The following RALA variants were observed in gnomAD, a reference collection of about 807,000 sequenced individuals.
RALA encodes RAS like proto-oncogene A.
In RALA, 5 loss-of-function variants were observed where a neutral mutation model predicts 24.0. The ratio of observed to expected loss-of-function variants is 0.21; its 90% CI spans 0.11 to 0.44. The LOEUF (loss-of-function observed/expected upper bound fraction) is 0.44. RALA is among the 20% of genes least tolerant of loss of function. The pLI, the probability that RALA is intolerant of heterozygous loss-of-function variation, is 0.99. For synonymous variants in RALA, 77 were observed against 83.8 expected (o/e 0.92, Z 0.44); for missense variants, 95 against 241.2 (o/e 0.39, Z 4.01).
At chr7:39,650,199 C>T (rs1032419317) in intron 1 of RALA, among the ~76,000 whole-genome samples, 2 of 152,134 alleles carry the variant, frequency 1.3e-5, no homozygotes, top group South Asian at 2.1e-4. Context: ...GTGGAAGCAT[C>T]GGGCTTACTA....
At chr7:39,674,342 T>G (rs1241056240) in intron 1 of RALA, among the ~76,000 whole-genome samples, 1 of 152,190 alleles carries the variant, frequency 6.6e-6, no homozygotes, top group Admixed American at 6.5e-5. Context: ...TTCTAGAACC[T>G]GTAGAGATAC....
At chr7:39,648,624 G>C (rs1259760347) in intron 1 of RALA, among the ~76,000 whole-genome samples, 1 of 152,136 alleles carries the variant, frequency 6.6e-6, no homozygotes, top group East Asian at 1.9e-4. Flanking sequence ...AGAAGGAATG[G>C]CAAAGTAATT....
intron 1 of RALA, among the ~76,000 whole-genome samples, chr7:39,640,804 T>C (rs1413137297): frequency 2.0e-5 from 3 of 152,196 alleles, no homozygotes; most frequent in Admixed American, 6.5e-5. Flanking sequence ...CTTTGGACCA[T>C]GTGAAGCAAA....
At chr7:39,643,140 A>G (rs1416881214) in intron 1 of RALA, among the ~76,000 whole-genome samples, 5 of 152,246 alleles carry the variant, frequency 3.3e-5, no homozygotes, top group African/African-American at 7.2e-5. Flanking sequence ...GGTAGAAGAT[A>G]AGGAAACTTA....
chr7:39,669,918 G>A (rs1281316066), intron 1 of RALA, among the ~76,000 whole-genome samples: 1 of 151,566 alleles, frequency 6.6e-6, no homozygotes, highest in East Asian at 1.9e-4. Flanking sequence ...TTTTAAACTG[G>A]ATCATTCAGG....
rs201474325 is a variant in RALA, at chr7:39,694,879, C to CA, written c.324-1798dup. 5.7e-3 allele frequency among the ~76,000 whole-genome samples: 859 copies of CA among 149,462 alleles called. 1 individual carries two copies. Among genetic ancestry groups the CA allele is most frequent in the African/African-American group, 0.01 (414 of 40,622 alleles). On this transcript the variant is annotated intron_variant, in intron 3 of 4. Transcript: ENST00000005257. ...ACAACATGGTGAAACCCCATCTCTA[C>CA]AAAAAAAAGAAAAAAAGAAAAAAAA...
rs1267335139 is a variant in RALA at position 39,686,813 on chromosome 7, T to C, written c.114+32T>C. ...GCTAATTTTATAATGGATCAAAGTTTAGGCTTTCAGAGAGTATTTCCCTAG... is the reference window on the plus strand; with the variant it reads ...GCTAATTTTATAATGGATCAAAGTTCAGGCTTTCAGAGAGTATTTCCCTAG... On this transcript the variant is annotated intron_variant, in intron 2 of 4. Coordinates refer to ENST00000005257, the MANE Select transcript of RALA (RefSeq NM_005402.4). 5.3e-6 allele frequency: 8 copies of C among 1,514,996 alleles called. No individual in the cohort carries two copies. In the Middle Eastern group the frequency reaches 5.1e-4, roughly 96 times the overall value. The allele number at this position is 1,514,996 out of a possible 1,614,324, so 93.8% of individuals were successfully genotyped here. A position where few individuals can be genotyped will look rare whatever the true frequency, so the allele number is the denominator to read the frequency against.
chr7:39,666,061 G>T (rs1020921649), intron 1 of RALA, among the ~76,000 whole-genome samples: 3 of 151,886 alleles, frequency 2.0e-5, no homozygotes, highest in African/African-American at 7.3e-5. Context: ...TTTCCCCAAG[G>T]TTTTTGTCCT....
At chr7:39,691,512 A>C (rs1239642808) in intron 3 of RALA, among the ~76,000 whole-genome samples, 1 of 152,214 alleles carries the variant, frequency 6.6e-6, no homozygotes, top group Non-Finnish European at 1.5e-5. Context: ...AGGGGAAAGA[A>C]GCTGGGAAAC....
intron 1 of RALA, among the ~76,000 whole-genome samples, chr7:39,677,922 G>A (rs1166596627): frequency 1.4e-5 from 2 of 144,594 alleles, no homozygotes; most frequent in African/African-American, 5.1e-5. Context: ...TTGTAAATTT[G>A]TTTGAGTTCA....
intron 1 of RALA, among the ~76,000 whole-genome samples, chr7:39,658,082 TGAGGAG>T (rs1792124968): frequency 6.6e-6 from 1 of 152,222 alleles, no homozygotes; most frequent in East Asian, 1.9e-4. Context: ...TGGAAATGAC[TGAGGAG>T]CGTTGTCCCT....
At chr7:39,696,545 T>C (rs1792924802) in intron 3 of RALA, 140 bp from the exon 4 acceptor site, 3 of 642,952 alleles carry the variant, frequency 4.7e-6, no homozygotes, top group Middle Eastern at 4.4e-4. Context: ...TAATACTGTA[T>C]CGATATTGGT....
Position 39,696,808 on chromosome 7 carries a change from G to T in RALA, c.447G>T (p.Trp149Cys). The stretch of plus-strand genomic sequence containing the variant: ...AGGCAAAAAACAGAGCTGAGCAGTG[G>T]AATGTTAACTACGTGGAAACATCTG... ...VEEAKNRAEQ[W>C]NVNYVETSAK... is the part of the protein sequence containing the mutation. The change falls in exon 4 of 5, where the codon TGG becomes TGT. Residue 149 changes from tryptophan (W) to cysteine (C), a missense_variant. Trp to Cys is a radical substitution (Grantham distance 215, BLOSUM62 -2). Coordinates refer to ENST00000005257, the MANE Select transcript of RALA (RefSeq NM_005402.4). The T allele has an allele frequency of 6.2e-7, 1 of 1,613,736 alleles. No homozygotes were observed. Among genetic ancestry groups the T allele is most frequent in the South Asian group, 1.1e-5 (1 of 90,958 alleles).
In RALA at chr7:39,668,517, G is replaced by A. The variant is rs577928522; in HGVS notation, c.-37-18114G>A. ...CTATGAAGTCAGTAAAACAACATAA[G>A]GCTGGGCGCAGTGACTCATGCCTGT... is the stretch of plus-strand genomic sequence containing the variant. On this transcript the variant is annotated intron_variant, in intron 1 of 4. Transcript: ENST00000005257. 2.8e-4 allele frequency among the ~76,000 whole-genome samples: 43 copies of A among 152,254 alleles called. 1 individual carries two copies. Among genetic ancestry groups the A allele is most frequent in the Admixed American group, 2.8e-3 (43 of 15,300 alleles).
chr7:39,688,952 CA>C (rs1044443773), intron 2 of RALA, among the ~76,000 whole-genome samples: 6 of 152,082 alleles, frequency 3.9e-5, no homozygotes, highest in Admixed American at 3.3e-4. Context: ...CATGTTGGGA[CA>C]GGGGAGGGAG....
At chr7:39,680,512 T>G (rs1583743766) in intron 1 of RALA, among the ~76,000 whole-genome samples, 1 of 151,404 alleles carries the variant, frequency 6.6e-6, no homozygotes, top group African/African-American at 2.4e-5. Context: ...GGAGGCAGAG[T>G]TTGCAGTGAG....
intron 1 of RALA, among the ~76,000 whole-genome samples, chr7:39,626,155 T>G (rs901382627): frequency 2.6e-5 from 4 of 152,242 alleles, no homozygotes; most frequent in African/African-American, 9.6e-5. Context: ...ATTACCACTA[T>G]ACAGAGGTTA....
intron 1 of RALA, among the ~76,000 whole-genome samples, chr7:39,665,322 T>C (rs547213381): frequency 2.0e-5 from 3 of 152,336 alleles, no homozygotes; most frequent in Non-Finnish European, 4.4e-5. Flanking sequence ...TAAAATTTTC[T>C]TAACATTATC....
chr7:39,696,433 C>T (rs767859544), intron 3 of RALA, among the ~76,000 whole-genome samples: 15 of 152,040 alleles, frequency 9.9e-5, no homozygotes, highest in Admixed American at 3.9e-4. Flanking sequence ...AGAGACATGA[C>T]GAAACTAAAT....
Sources: allele counts gnomAD v4.1 joint callset (sites outside exome capture counted in the v4.1 genomes callset), GRCh38; gene constraint gnomAD v4.1.1; transcripts MANE v1.5; gene names NCBI Gene and HGNC (gene_info 2026-07-23, HGNC 2026-07-21).